The following SORCS3 variants were observed in gnomAD, a reference collection of about 807,000 sequenced individuals.
SORCS3 encodes the protein VPS10 domain-containing receptor SorCS3.
Under a neutral mutation model 146.3 loss-of-function variants are expected in SORCS3, and 57 were observed. The observed-to-expected ratio is 0.39, with a 90% CI of 0.31 to 0.49. The LOEUF (loss-of-function observed/expected upper bound fraction) is 0.49, where lower values mean the gene tolerates loss of function less well. Among genes scored for constraint, SORCS3 ranks in the 20% least tolerant of loss-of-function variants. The pLI is 0.92. For synonymous variants in SORCS3, 653 were observed against 618.5 expected, an observed-to-expected ratio of 1.06 and a Z score of -0.83; for missense variants, 1,341 against 1,575.5, an observed-to-expected ratio of 0.85 and a Z score of 2.52.
intron 20 of SORCS3, among the ~76,000 whole-genome samples, chr10:105,242,712 ATATT>A (rs2056839815): frequency 9.8e-6 from 1 of 102,020 alleles, no homozygotes; most frequent in South Asian, 3.3e-4. Context: ...ATATATTTAT[ATATT>A]TATATACATT....
intron 20 of SORCS3, among the ~76,000 whole-genome samples, chr10:105,236,583 A>C (rs1483137435): frequency 6.6e-6 from 1 of 152,102 alleles, no homozygotes; most frequent in African/African-American, 2.4e-5. Context: ...GCAGTTCTTG[A>C]CTGTTACCAA....
At chr10:105,238,875 T>C (rs1208411521) in intron 20 of SORCS3, among the ~76,000 whole-genome samples, 4 of 152,190 alleles carry the variant, frequency 2.6e-5, no homozygotes, top group Non-Finnish European at 5.9e-5. Context: ...CCTTCAACTA[T>C]TTATCATCTT....
intron 4 of SORCS3, among the ~76,000 whole-genome samples, chr10:105,026,732 A>C (rs2133692587): frequency 1.3e-5 from 2 of 152,322 alleles, no homozygotes; most frequent in Middle Eastern, 3.4e-3. Context: ...CAGAAATGCA[A>C]AACCAAATAC....
At chr10:104,650,215 T>C (rs539075587) in intron 1 of SORCS3, among the ~76,000 whole-genome samples, 1 of 152,324 alleles carries the variant, frequency 6.6e-6, no homozygotes, top group African/African-American at 2.4e-5. Flanking sequence ...TTGAGTTCCC[T>C]TTTTGCCTTC....
At chr10:105,145,047 C>A (rs2119460673) in intron 8 of SORCS3, among the ~76,000 whole-genome samples, 1 of 152,188 alleles carries the variant, frequency 6.6e-6, no homozygotes, top group African/African-American at 2.4e-5. Context: ...CTACTCCAGA[C>A]ATACTGAATT....
intron 1 of SORCS3, among the ~76,000 whole-genome samples, chr10:104,837,136 T>G (rs1250783150): frequency 6.6e-6 from 1 of 152,314 alleles, no homozygotes; most frequent in Middle Eastern, 3.4e-3. Flanking sequence ...GTATAGTACC[T>G]GCCATGTGTC....
intron 20 of SORCS3, among the ~76,000 whole-genome samples, chr10:105,224,712 T>C (rs924500718): frequency 1.3e-5 from 2 of 152,200 alleles, no homozygotes; most frequent in Admixed American, 1.3e-4. Flanking sequence ...CACCAATGAA[T>C]GAGAGTTCTT....
rs1387070587 is a variant in SORCS3, at chr10:104,641,456, C to T, written c.129C>T (p.Pro43=). The T allele has an allele frequency of 5.4e-6, 8 of 1,468,360 alleles. No individual in the cohort carries two copies. The East Asian group carries it at 2.4e-4, about 44-fold the overall frequency. The allele number at this position is 1,468,360 out of a possible 1,614,324, so 91.0% of individuals were successfully genotyped here. ...AEITWDATGG[P]GRPAAPASRP... ...TCACTTGGGACGCGACAGGCGGTCC[C>T]GGACGCCCGGCGGCCCCGGCTTCGC... is the stretch of plus-strand genomic sequence containing the variant. The change falls in exon 1 of 27, where the codon CCC becomes CCT. Residue 43 remains proline, a synonymous_variant. Transcript: ENST00000369701. The surrounding 1 kb of genome is among the most constrained non-coding windows in gnomAD (Gnocchi z 6.4).
intron 7 of SORCS3, among the ~76,000 whole-genome samples, chr10:105,109,499 A>G (rs1281465239): frequency 1.3e-5 from 2 of 152,052 alleles, no homozygotes; most frequent in Non-Finnish European, 2.9e-5. Context: ...TTTCCCATTT[A>G]TCTCTTGGTT....
At chr10:105,246,000 C>T (rs1358093111) in intron 21 of SORCS3, among the ~76,000 whole-genome samples, 1 of 152,126 alleles carries the variant, frequency 6.6e-6, no homozygotes, top group East Asian at 1.9e-4. Context: ...GAGATGAGGA[C>T]CAGCAATTTC....
chr10:105,181,667 T>G (rs1378464908), intron 14 of SORCS3, among the ~76,000 whole-genome samples: 1 of 152,170 alleles, frequency 6.6e-6, no homozygotes, highest in Non-Finnish European at 1.5e-5. Flanking sequence ...ATGTTATTAT[T>G]TAAACATCCC....
chr10:104,973,446 T>G (rs7920087), intron 3 of SORCS3, among the ~76,000 whole-genome samples: 10,574 of 152,154 alleles, frequency 0.069, 1,198 homozygotes, highest in African/African-American at 0.24. Context: ...GTTGAGGAAT[T>G]TATCCATTTC....
chr10:104,925,511 A>G (rs1047651181), intron 3 of SORCS3, among the ~76,000 whole-genome samples: 3 of 152,184 alleles, frequency 2.0e-5, no homozygotes, highest in African/African-American at 7.2e-5. Flanking sequence ...CATTGCCCTG[A>G]TAGTGTGAAT....
chr10:104,815,539 T>C (rs1374234986), intron 1 of SORCS3, among the ~76,000 whole-genome samples: 2 of 151,254 alleles, frequency 1.3e-5, no homozygotes. Context: ...AGATTTGACA[T>C]TGAGATACAA....
intron 3 of SORCS3, among the ~76,000 whole-genome samples, chr10:104,958,313 C>G (rs561258343): frequency 6.6e-6 from 1 of 152,126 alleles, no homozygotes; most frequent in Non-Finnish European, 1.5e-5. Flanking sequence ...TAGCAAGTCA[C>G]TGAGCCCTGG....
At chr10:104,670,502 A>G (rs577224370) in intron 1 of SORCS3, among the ~76,000 whole-genome samples, 2 of 152,172 alleles carry the variant, frequency 1.3e-5, no homozygotes, top group Admixed American at 6.5e-5. Context: ...GACCATTTAT[A>G]TGAAGGTTTA....
chr10:104,957,505 C>T (rs573909233), intron 3 of SORCS3, among the ~76,000 whole-genome samples: 4 of 151,478 alleles, frequency 2.6e-5, no homozygotes, highest in South Asian at 2.1e-4. Flanking sequence ...AAAAAGTTTG[C>T]GAGGGTTTGT....
At position 104,651,849 on chromosome 10, in the gene SORCS3, G is replaced by A. The variant is rs543517930; in HGVS notation, c.627+9895G>A. Reference sequence around the variant, plus strand: ...CAGCTTTCCCTGATCACTGTAGCTTGCTTTGATCACACAAGGTACAGGCTG... The same window carrying A: ...CAGCTTTCCCTGATCACTGTAGCTTACTTTGATCACACAAGGTACAGGCTG... On this transcript the variant is annotated intron_variant, in intron 1 of 26. Transcript: ENST00000369701. Among the ~76,000 whole-genome samples the A allele has an allele frequency of 5.6e-4, 85 of 152,298 alleles. No individual in the cohort carries two copies. In the Middle Eastern group the frequency reaches 0.017, roughly 30 times the overall value.
intron 1 of SORCS3, among the ~76,000 whole-genome samples, chr10:104,661,994 T>C (rs576697384): frequency 6.6e-6 from 1 of 152,190 alleles, no homozygotes. Flanking sequence ...TGTCAGTTCA[T>C]TTTTCCCTCA....
Sources: gnomAD v4.1 joint callset for allele counts (sites outside exome capture counted in the v4.1 genomes callset) on GRCh38, gnomAD v4.1.1 for gene constraint, Gnocchi (gnomAD v3.1) non-coding constraint, MANE v1.5 for transcripts, NCBI Gene and HGNC (gene_info 2026-07-23, HGNC 2026-07-21) for gene names.